ZNF101: variants seen among roughly 807,000 people sequenced by gnomAD.
The protein encoded by ZNF101 is zinc finger protein 101 (Y2).
Under a neutral mutation model 42.6 loss-of-function variants are expected in ZNF101, and 34 were observed. The observed-to-expected ratio is 0.80, with a 90% CI of 0.61 to 1.06. ZNF101 has a LOEUF of 1.06. Among genes scored for constraint, ZNF101 ranks in the 50% least tolerant of loss-of-function variants. The probability of loss-of-function intolerance (pLI) is 0.00; values close to 1 mark genes in which losing one functional copy is unlikely to be tolerated. For missense variants in ZNF101, 466 were observed against 530.9 expected, an observed-to-expected ratio of 0.88 and a Z score of 1.20; for synonymous variants, 158 against 183.9, an observed-to-expected ratio of 0.86 and a Z score of 1.14.
intron 1 of ZNF101, 197 bp from the exon 2 acceptor site, chr19:19,677,667 C>A: frequency 1.3e-6 from 1 of 792,204 alleles, no homozygotes; most frequent in Non-Finnish European, 1.8e-6. Context: ...TCCTCTGTGG[C>A]TGGCTCTCTG....
Position 19,668,869 on chromosome 19 carries a change from G to A in ZNF101, c.-95G>A, listed in dbSNP as rs530409079. The A allele has an allele frequency of 1.4e-6, 2 of 1,450,480 alleles. No individual in the cohort carries two copies. Among genetic ancestry groups the A allele is most frequent in the Non-Finnish European group, 1.8e-6 (2 of 1,081,264 alleles). The allele number at this position is 1,450,480 out of a possible 1,614,324, so 89.9% of individuals were successfully genotyped here. ...GGTCCGGGTTTTAGTTCCTCGGGGA[G>A]CCCCTGGTGCCCCGGATACGGCTGA... On this transcript the variant is annotated 5_prime_UTR_variant, in exon 1 of 4. Transcript: ENST00000592502.
chr19:19,677,344 G>T (rs548689177), intron 1 of ZNF101: 1 of 152,694 alleles, frequency 6.5e-6, no homozygotes, highest in African/African-American at 2.4e-5. Context: ...GCTTTCAGAA[G>T]GAAAACAGTT....
In ZNF101 at chr19:19,678,776, A is replaced by G; in HGVS notation, c.181A>G (p.Ile61Val). The change falls in exon 3 of 4, where the codon ATT (isoleucine) becomes GTT (valine). Residue 61 changes from isoleucine to valine, a missense_variant. Ile to Val is a conservative substitution (Grantham distance 29). Coordinates refer to ENST00000592502, the MANE Select transcript of ZNF101 (RefSeq NM_033204.4). Reference protein sequence around the residue: ...DIENLYQNLGIKLRSLVERLC... With the variant: ...DIENLYQNLGVKLRSLVERLC... ...TGAGAATCTGTACCAAAACCTGGGG[A>G]TTAAGCTAAGGTAATCTCCACTCAC... The G allele has an allele frequency of 3.1e-6, 5 of 1,612,032 alleles. No homozygotes were observed. The Admixed American group carries it at 5.0e-5, about 16-fold the overall frequency.
At chr19:19,677,268 G>A (rs1350043148) in intron 1 of ZNF101, 5 of 152,388 alleles carry the variant, frequency 3.3e-5, no homozygotes, top group Non-Finnish European at 5.9e-5. Flanking sequence ...TAAAGACTCT[G>A]TGCCCAGAGT....
intron 1 of ZNF101, among the ~76,000 whole-genome samples, chr19:19,675,555 G>A (rs2062197633): frequency 6.6e-6 from 1 of 152,048 alleles, no homozygotes; most frequent in Non-Finnish European, 1.5e-5. Context: ...CACGTAATCA[G>A]TTATATAATT....
chr19:19,683,213 C>CT lies in ZNF101; in HGVS notation c.*2918dup, dbSNP rs752885566. The CT allele has an allele frequency of 6.6e-6, 1 of 152,118 alleles. No individual in the cohort carries two copies. Among genetic ancestry groups the CT allele is most frequent in the Non-Finnish European group, 1.5e-5 (1 of 68,030 alleles). The allele number at this position is 152,118 out of a possible 1,614,324, so 9.4% of individuals were successfully genotyped here. On this transcript the variant is annotated 3_prime_UTR_variant, in exon 4 of 4. Transcript: ENST00000592502. ...TTCCTTTATTATGGGGAAAACTACT[C>CT]TTTTTGGCATGATACAATGTTGACT...
intron 1 of ZNF101, among the ~76,000 whole-genome samples, chr19:19,675,157 G>A (rs563865985): frequency 6.7e-6 from 1 of 148,488 alleles, no homozygotes; most frequent in East Asian, 2.0e-4. Flanking sequence ...ATTTTTTTGA[G>A]ATGGAGTTTC....
intron 1 of ZNF101, among the ~76,000 whole-genome samples, chr19:19,670,322 C>T (rs1409538679): frequency 6.6e-6 from 1 of 152,198 alleles, no homozygotes; most frequent in Admixed American, 6.5e-5. Flanking sequence ...TGGCTTACTA[C>T]GGCCTCAACC....
At position 19,680,289 on chromosome 19, in the gene ZNF101, C is replaced by T; in HGVS notation, c.1300C>T (p.Pro434Ser). The change falls in exon 4 of 4, where the codon CCA becomes TCA. Residue 434 changes from proline to serine, a missense_variant. Transcript: ENST00000592502. ...FGRRQGDHLSPGV is the reference protein window; with the variant it reads ...FGRRQGDHLSSGV ...CAGGAGGCAGGGGGATCACCTGAGC[C>T]CAGGAGTTTGAGACCAGCCTGGGCA... The T allele has an allele frequency of 6.6e-7, 1 of 1,507,030 alleles. No individual in the cohort carries two copies. Among genetic ancestry groups the T allele is most frequent in the Non-Finnish European group, 8.8e-7 (1 of 1,131,690 alleles). The allele number at this position is 1,507,030 out of a possible 1,614,324, so 93.4% of individuals were successfully genotyped here. A position where few individuals can be genotyped will look rare whatever the true frequency, so the allele number is the denominator to read the frequency against.
At chr19:19,671,442 C>T (rs1022033375) in intron 1 of ZNF101, among the ~76,000 whole-genome samples, 3 of 152,102 alleles carry the variant, frequency 2.0e-5, no homozygotes, top group African/African-American at 4.8e-5. Context: ...CTCATGTAAT[C>T]CCAGTTATTT....
rs983559691 is a variant in ZNF101 at position 19,681,380 on chromosome 19, A to G, written c.*1080A>G. On this transcript the variant is annotated 3_prime_UTR_variant, in exon 4 of 4. Transcript: ENST00000592502. ...TCAGTGCACACTGGAGATGGATGGTATGAATCGAAGAATACACACTGGATG... is the reference window on the plus strand; with the variant it reads ...TCAGTGCACACTGGAGATGGATGGTGTGAATCGAAGAATACACACTGGATG... The G allele has an allele frequency of 6.6e-6, 1 of 152,226 alleles. No individual in the cohort carries two copies. Among genetic ancestry groups the G allele is most frequent in the African/African-American group, 2.4e-5 (1 of 41,452 alleles). The allele number at this position is 152,226 out of a possible 1,614,324, so 9.4% of individuals were successfully genotyped here.
chr19:19,668,346 G>A (rs1350742158), upstream of ZNF101, among the ~76,000 whole-genome samples: 2 of 152,050 alleles, frequency 1.3e-5, no homozygotes, highest in Non-Finnish European at 2.9e-5. Context: ...TGTCCTGACC[G>A]CATCCTGGAG....
chr19:19,681,386 C>G lies in ZNF101; in HGVS notation c.*1086C>G, dbSNP rs1465212676. On this transcript the variant is annotated 3_prime_UTR_variant, in exon 4 of 4. Transcript: ENST00000592502. ...CACACTGGAGATGGATGGTATGAAT[C>G]GAAGAATACACACTGGATGGAAACG... 6.6e-6 allele frequency: 1 copy of G among 152,138 alleles called. No homozygotes were observed. The highest frequency in any genetic ancestry group is 1.5e-5 in the Non-Finnish European group (1 of 68,038). The allele number at this position is 152,138 out of a possible 1,614,324, so 9.4% of individuals were successfully genotyped here.
At chr19:19,669,012 T>A (rs757063361) in intron 1 of ZNF101, 46 bp downstream of exon 1, 1 of 1,564,698 alleles carries the variant, frequency 6.4e-7, no homozygotes, top group South Asian at 1.2e-5. Context: ...GAGGAGCTGG[T>A]CGGAACCGGC....
rs1463053741 is a variant in ZNF101, at chr19:19,671,106, C to CA, written c.3+2146dup. Reference sequence around the variant, plus strand: ...TGCGCGACAGAGCGAGACTCCATCTCAAAAAATACATAATAAAAAAAGGCA... The same window carrying CA: ...TGCGCGACAGAGCGAGACTCCATCTCAAAAAAATACATAATAAAAAAAGGCA... On this transcript the variant is annotated intron_variant, in intron 1 of 3. Coordinates refer to ENST00000592502, the MANE Select transcript of ZNF101 (RefSeq NM_033204.4). Among the ~76,000 whole-genome samples the CA allele has an allele frequency of 5.9e-5, 9 of 152,002 alleles. No homozygotes were observed. In the East Asian group the frequency reaches 9.6e-4, roughly 16 times the overall value.
At position 19,679,293 on chromosome 19, in the gene ZNF101, T is replaced by C. The variant is rs761186477; in HGVS notation, c.304T>C (p.Cys102Arg). 8.1e-6 allele frequency: 13 copies of C among 1,614,070 alleles called. No homozygotes were observed. The highest frequency in any genetic ancestry group is 1.3e-5 in the African/African-American group (1 of 74,930). Residue 102 changes from cysteine (C) to arginine (R), a missense_variant, in exon 4 of 4, where the codon TGC becomes CGC. Physicochemically the swap from Cys to Arg is radical, Grantham distance 180. Transcript: ENST00000592502. ...GAAAAGTCAAACTGGAGTGAAACCA[T>C]GCAAATGCAGCGTGTGTGGGAAAGT... ...NKKSQTGVKP[C>R]KCSVCGKVFL... is the part of the protein sequence containing the mutation.
At chr19:19,669,080 C>T in intron 1 of ZNF101, 114 bp downstream of exon 1, 1 of 1,409,120 alleles carries the variant, frequency 7.1e-7, no homozygotes, top group South Asian at 1.3e-5. Flanking sequence ...CCGAGTCCCC[C>T]AGGCGCAGCT....
rs1368335070 is a variant in ZNF101, at chr19:19,681,908, ATTCTTTTTTCT to A, written c.*1618_*1628del. 2 of 149,600 alleles carry A rather than the reference ATTCTTTTTTCT, an allele frequency of 1.3e-5. No homozygotes were observed. The highest frequency in any genetic ancestry group is 2.1e-4 in the South Asian group (1 of 4,770). The allele number at this position is 149,600 out of a possible 1,614,324, so 9.3% of individuals were successfully genotyped here. A position where few individuals can be genotyped will look rare whatever the true frequency, so the allele number is the denominator to read the frequency against. On this transcript the variant is annotated 3_prime_UTR_variant, in exon 4 of 4. Coordinates refer to ENST00000592502, the MANE Select transcript of ZNF101 (RefSeq NM_033204.4). Reference sequence around the variant, plus strand: ...AATATATAGCATTTATCAGTGGCTCATTCTTTTTTCTTTCTTTTTTTTTTTTTTTTTTGAGA... The same window carrying A: ...AATATATAGCATTTATCAGTGGCTCATTCTTTTTTTTTTTTTTTTTTGAGA...
chr19:19,674,478 A>G (rs1236294650), intron 1 of ZNF101, among the ~76,000 whole-genome samples: 1 of 151,892 alleles, frequency 6.6e-6, no homozygotes, highest in Admixed American at 6.6e-5. Context: ...ACCCAGCCCC[A>G]TTGTTTTTCA....
Sources: gnomAD v4.1 joint callset for allele counts (sites outside exome capture counted in the v4.1 genomes callset) on GRCh38, gnomAD v4.1.1 for gene constraint, MANE v1.5 for transcripts, NCBI Gene and HGNC (gene_info 2026-07-23, HGNC 2026-07-21) for gene names.